Variants in BORCS5 observed in about 807,000 individuals in gnomAD.
BORCS5 encodes the protein BLOC-1 related complex subunit 5, also known as BLOC-1-related complex subunit 5.
Under a neutral mutation model 22.1 loss-of-function variants are expected in BORCS5, and 17 were observed. The observed-to-expected ratio is 0.77, with a 90% CI of 0.53 to 1.15. The LOEUF is 1.15. Among genes scored for constraint, BORCS5 ranks in the 50% most tolerant of loss-of-function variants. BORCS5 has a pLI of 0.00. For synonymous variants in BORCS5, 117 were observed against 99.8 expected, an observed-to-expected ratio of 1.17 and a Z score of -1.03; for missense variants, 247 against 253.2, an observed-to-expected ratio of 0.98 and a Z score of 0.17.
chr12:12,449,650 A>G (rs1340411602), intron 3 of BORCS5, among the ~76,000 whole-genome samples: 3 of 152,236 alleles, frequency 2.0e-5, no homozygotes, highest in Non-Finnish European at 4.4e-5. Context: ...CCTGAATAAA[A>G]TGTGTTCTTT....
At chr12:12,427,427 G>T (rs1239282744) in intron 2 of BORCS5, among the ~76,000 whole-genome samples, 1 of 152,004 alleles carries the variant, frequency 6.6e-6, no homozygotes, top group Non-Finnish European at 1.5e-5. Flanking sequence ...TGATGGGCCC[G>T]CCTCGGCCTC....
chr12:12,411,966 G>A (rs1941746785), intron 2 of BORCS5, among the ~76,000 whole-genome samples: 1 of 152,126 alleles, frequency 6.6e-6, no homozygotes, highest in South Asian at 2.1e-4. Context: ...TGGGCCCTCT[G>A]CTCATTTCTG....
intron 3 of BORCS5, among the ~76,000 whole-genome samples, chr12:12,449,289 C>T (rs541474024): frequency 3.3e-5 from 5 of 152,316 alleles, no homozygotes; most frequent in Non-Finnish European, 5.9e-5. Context: ...CAGATGTCTA[C>T]GTGCCCTACA....
intron 3 of BORCS5, among the ~76,000 whole-genome samples, chr12:12,460,475 T>G (rs1191153463): frequency 6.6e-6 from 1 of 152,234 alleles, no homozygotes; most frequent in Non-Finnish European, 1.5e-5. Context: ...CTAATTTCTT[T>G]GCCTTTTACT....
intron 2 of BORCS5, among the ~76,000 whole-genome samples, chr12:12,409,029 G>A (rs1592096074): frequency 3.3e-5 from 5 of 152,104 alleles, no homozygotes; most frequent in South Asian, 4.2e-4. Flanking sequence ...TTTCGCCAGC[G>A]GCTATGCTAT....
intron 2 of BORCS5, among the ~76,000 whole-genome samples, chr12:12,383,700 A>G (rs1863821602): frequency 6.7e-6 from 1 of 150,262 alleles, no homozygotes; most frequent in South Asian, 2.1e-4. Context: ...ACTCTCTTCT[A>G]GCCTCCATTG....
chr12:12,452,189 T>G (rs1361967683), intron 3 of BORCS5: 1 of 592,156 alleles, frequency 1.7e-6, no homozygotes, highest in Non-Finnish European at 3.3e-6. Flanking sequence ...TCACATTTTT[T>G]ACAGCTGATA....
chr12:12,425,745 G>C (rs1252005866), intron 2 of BORCS5, among the ~76,000 whole-genome samples: 1 of 152,124 alleles, frequency 6.6e-6, no homozygotes, highest in Non-Finnish European at 1.5e-5. Context: ...AATAACTCCT[G>C]CTTCTTCTGG....
intron 2 of BORCS5, among the ~76,000 whole-genome samples, chr12:12,379,417 G>A (rs1565845637): frequency 6.6e-6 from 1 of 151,444 alleles, no homozygotes; most frequent in Non-Finnish European, 1.5e-5. Flanking sequence ...ACCTAAGCCT[G>A]CAACTTTTCT....
chr12:12,389,879 A>C (rs111666519), intron 2 of BORCS5, among the ~76,000 whole-genome samples: 1 of 151,804 alleles, frequency 6.6e-6, no homozygotes, highest in African/African-American at 2.4e-5. Flanking sequence ...CTTGACCTCA[A>C]GTGATCTTCC....
intron 2 of BORCS5, among the ~76,000 whole-genome samples, chr12:12,368,233 CCCTT>C (rs938258966): frequency 6.6e-5 from 10 of 151,020 alleles, no homozygotes; most frequent in Admixed American, 2.0e-4. Context: ...TGTTAAAACT[CCCTT>C]CCTTTAGTTT....
chr12:12,383,926 TG>T (rs1369632217), intron 2 of BORCS5, among the ~76,000 whole-genome samples: 1 of 151,306 alleles, frequency 6.6e-6, no homozygotes, highest in Non-Finnish European at 1.5e-5. Flanking sequence ...TTGGCATGTT[TG>T]TTGTTGTTGC....
Position 12,467,646 on chromosome 12 carries a change from GTTAGT to G in BORCS5, c.*1874_*1878del, listed in dbSNP as rs1172095591. On this transcript the variant is annotated 3_prime_UTR_variant, in exon 4 of 4. Coordinates refer to ENST00000314565, the MANE Select transcript of BORCS5 (RefSeq NM_058169.6). ...TTCAATACTCCCGGAAAGAATTCTA[GTTAGT>G]TTAATATTTTGATGGCATGTTGTGG... The G allele has an allele frequency of 1.3e-5, 2 of 152,250 alleles. No individual in the cohort carries two copies. The highest frequency in any genetic ancestry group is 4.8e-5 in the African/African-American group (2 of 41,460). 9.4% of individuals were successfully genotyped at this position (152,250 alleles called of 1,614,324 possible).
intron 2 of BORCS5, among the ~76,000 whole-genome samples, chr12:12,367,956 A>G (rs1238785737): frequency 3.9e-5 from 6 of 152,174 alleles, no homozygotes; most frequent in African/African-American, 2.4e-5. Flanking sequence ...CTTTCTTTCA[A>G]TTCAGTTGCC....
At chr12:12,358,669 T>C (rs1863205734) in intron 1 of BORCS5, among the ~76,000 whole-genome samples, 1 of 152,224 alleles carries the variant, frequency 6.6e-6, no homozygotes, top group Non-Finnish European at 1.5e-5. Flanking sequence ...TATTCCCCTG[T>C]GCCCGGTACT....
chr12:12,458,213 T>C (rs1238508891), intron 3 of BORCS5, among the ~76,000 whole-genome samples: 2 of 152,220 alleles, frequency 1.3e-5, no homozygotes, highest in Non-Finnish European at 2.9e-5. Flanking sequence ...GTTAATAGTT[T>C]TACTCTTAAC....
At chr12:12,399,175 TAAG>T (rs1186696353) in intron 2 of BORCS5, among the ~76,000 whole-genome samples, 1 of 152,162 alleles carries the variant, frequency 6.6e-6, no homozygotes, top group African/African-American at 2.4e-5. Context: ...TGGAAAGTTT[TAAG>T]AAGTTGTGTG....
At position 12,466,134 on chromosome 12, in the gene BORCS5, A is replaced by G. The variant is rs1309109575; in HGVS notation, c.*358A>G. On this transcript the variant is annotated 3_prime_UTR_variant, in exon 4 of 4. Coordinates refer to ENST00000314565, the MANE Select transcript of BORCS5 (RefSeq NM_058169.6). ...GTACCGGAATAAAAATATGGAGACA[A>G]GGGGAAAATATTTTACGAAGCTCTG... 1.1e-5 allele frequency: 2 copies of G among 188,524 alleles called. No homozygotes were observed. The highest frequency in any genetic ancestry group is 1.1e-5 in the Non-Finnish European group (1 of 92,292). 11.7% of individuals were successfully genotyped at this position (188,524 alleles called of 1,614,324 possible). A position where few individuals can be genotyped will look rare whatever the true frequency, so the allele number is the denominator to read the frequency against.
At chr12:12,423,105 C>T (rs1942183563) in intron 2 of BORCS5, among the ~76,000 whole-genome samples, 2 of 152,080 alleles carry the variant, frequency 1.3e-5, no homozygotes. Context: ...GGCTTCACGC[C>T]ATTCTCCTGC....
Sources: gnomAD v4.1 joint callset for allele counts (sites outside exome capture counted in the v4.1 genomes callset) on GRCh38, gnomAD v4.1.1 for gene constraint, MANE v1.5 for transcripts, NCBI Gene and HGNC (gene_info 2026-07-23, HGNC 2026-07-21) for gene names.